Variants in HAUS6 observed in about 807,000 individuals in gnomAD.
HAUS6 encodes the protein HAUS augmin-like complex subunit 6.
In HAUS6, 80 loss-of-function variants were observed where a neutral mutation model predicts 106.8. The ratio of observed to expected loss-of-function variants is 0.75; its 90% CI spans 0.63 to 0.90. The LOEUF (loss-of-function observed/expected upper bound fraction) is 0.90. HAUS6 is among the 40% of genes least tolerant of loss of function. The probability of loss-of-function intolerance (pLI) is 0.00; values close to 1 mark genes in which losing one functional copy is unlikely to be tolerated. For missense variants in HAUS6, 1,155 were observed against 1,118.1 expected, an observed-to-expected ratio of 1.03 and a Z score of -0.47; for synonymous variants, 356 against 379.1, an observed-to-expected ratio of 0.94 and a Z score of 0.71.
At chr9:19,083,705 G>C (rs577565848) in intron 7 of HAUS6, among the ~76,000 whole-genome samples, 1 of 151,758 alleles carries the variant, frequency 6.6e-6, no homozygotes, top group East Asian at 1.9e-4. Flanking sequence ...GGGAGGCTGA[G>C]GCAGAAGAAT....
At chr9:19,065,959 A>G (rs1836752508) in intron 12 of HAUS6, among the ~76,000 whole-genome samples, 1 of 146,144 alleles carries the variant, frequency 6.8e-6, no homozygotes, top group Admixed American at 6.8e-5. Context: ...TTTTTGAGAC[A>G]GACTCTCACT....
Position 19,058,650 on chromosome 9 carries a change from G to A in HAUS6, c.2117C>T (p.Ser706Leu). ...DLECLAFTKL[S>L]ETSRMETFSP... ...GAATGTCTCCATTCGGCTAGTTTCTGAAAGCTTGGTGAAGGCTAAACATTC... is the reference window on the plus strand; with the variant it reads ...GAATGTCTCCATTCGGCTAGTTTCTAAAAGCTTGGTGAAGGCTAAACATTC... The change falls in exon 16 of 17, where the codon TCA (serine) becomes TTA (leucine). Residue 706 changes from serine to leucine, a missense_variant. Transcript: ENST00000380502. The A allele has an allele frequency of 6.2e-7, 1 of 1,608,080 alleles. No individual in the cohort carries two copies.
chr9:19,063,921 A>G, intron 12 of HAUS6: 1 of 364,134 alleles, frequency 2.7e-6, no homozygotes, highest in South Asian at 2.3e-5. Context: ...CATTATTACA[A>G]TGTCACAGGT....
intron 2 of HAUS6, among the ~76,000 whole-genome samples, chr9:19,094,685 G>A (rs891659473): frequency 1.3e-5 from 2 of 151,954 alleles, no homozygotes; most frequent in African/African-American, 2.4e-5. Context: ...CCAGCTACTC[G>A]GGAGCTGAGG....
At chr9:19,099,090 A>C (rs182188763) in intron 1 of HAUS6, among the ~76,000 whole-genome samples, 97 of 151,668 alleles carry the variant, frequency 6.4e-4, no homozygotes, top group African/African-American at 2.3e-3. Flanking sequence ...AAAAATCATA[A>C]ACTGCAAACC....
chr9:19,071,044 C>T (rs892279772), intron 11 of HAUS6, among the ~76,000 whole-genome samples: 2 of 152,104 alleles, frequency 1.3e-5, no homozygotes, highest in Non-Finnish European at 1.5e-5. Context: ...TCCAAGGGCT[C>T]GACCTCTTTC....
chr9:19,066,899 T>G (rs531409263), intron 12 of HAUS6, among the ~76,000 whole-genome samples: 1 of 150,934 alleles, frequency 6.6e-6, no homozygotes, highest in East Asian at 2.0e-4. Context: ...CCTAGCTACT[T>G]GGGTAGCTGA....
In HAUS6 at chr9:19,056,100, T is replaced by A. The variant is rs181768466; in HGVS notation, c.*243A>T. 2.1e-4 allele frequency: 82 copies of A among 394,586 alleles called. 2 individuals carry two copies. In the East Asian group the frequency reaches 2.7e-3, roughly 13 times the overall value. The allele number at this position is 394,586 out of a possible 1,614,324, so 24.4% of individuals were successfully genotyped here. A position where few individuals can be genotyped will look rare whatever the true frequency, so the allele number is the denominator to read the frequency against. On this transcript the variant is annotated 3_prime_UTR_variant, in exon 17 of 17. Transcript: ENST00000380502. The stretch of plus-strand genomic sequence containing the variant: ...CTCAAGAAATCAAAATGGCTTCCCA[T>A]TGCTTGACGTTTGTTGTCCAAATAC...
At chr9:19,064,307 CA>C (rs1157125632) in intron 12 of HAUS6, among the ~76,000 whole-genome samples, 1 of 152,096 alleles carries the variant, frequency 6.6e-6, no homozygotes, top group Non-Finnish European at 1.5e-5. Flanking sequence ...ACTTCATATC[CA>C]AAATCAATTT....
chr9:19,073,368 C>T (rs1299572729), intron 11 of HAUS6, among the ~76,000 whole-genome samples: 1 of 151,392 alleles, frequency 6.6e-6, no homozygotes, highest in African/African-American at 2.4e-5. Context: ...GGTTGTTTTA[C>T]CACAAAAAAT....
At chr9:19,070,331 A>G in intron 11 of HAUS6, 31 bp from the exon 12 acceptor site, 1 of 1,132,506 alleles carries the variant, frequency 8.8e-7, no homozygotes, top group East Asian at 2.4e-5. Flanking sequence ...GTTACTCTTT[A>G]ATTATGTTTG....
rs531425710 is a variant in HAUS6, at chr9:19,102,531, G to C, written c.121C>G (p.Leu41Val). Residue 41 changes from leucine (L) to valine (V), a missense_variant, in exon 1 of 17, where the codon CTC becomes GTC. Leu to Val is a conservative substitution (Grantham distance 32). Coordinates refer to ENST00000380502, the MANE Select transcript of HAUS6 (RefSeq NM_017645.5). ...CGGCCCCGGCCTCCTTACACTCCGA[G>C]GTGCGTGTGCGACACGATCTTTCCG... ...ACGKIVSHTH[L>V]GVNMFDKLNR... 4 of 1,613,624 alleles carry C rather than the reference G, an allele frequency of 2.5e-6. No individual in the cohort carries two copies. The Admixed American group carries it at 5.0e-5, about 20-fold the overall frequency.
chr9:19,083,043 C>T lies in HAUS6; in HGVS notation c.700G>A (p.Val234Ile), dbSNP rs1028943590. Reference protein sequence around the residue: ...HSNMEEKIQKVRSLWASVNET... With the variant: ...HSNMEEKIQKIRSLWASVNET... ...TTCACTGAAGCCCACAAAGACCGAA[C>T]CTTTGGAAACAGAAACAAAATATTA... is the stretch of plus-strand genomic sequence containing the variant. The change falls in exon 8 of 17, where the codon GTT (valine) becomes ATT (isoleucine). Residue 234 changes from valine (V) to isoleucine (I), a missense_variant and splice_region_variant. Val to Ile is a conservative substitution (Grantham distance 29). Transcript: ENST00000380502. The T allele has an allele frequency of 8.9e-6, 14 of 1,569,434 alleles. No individual in the cohort carries two copies. Among genetic ancestry groups the T allele is most frequent in the African/African-American group, 1.4e-5 (1 of 72,364 alleles).
chr9:19,056,626 G>T, intron 16 of HAUS6: 1 of 421,612 alleles, frequency 2.4e-6, no homozygotes, highest in Non-Finnish European at 4.3e-6. Flanking sequence ...TCTGCGACAG[G>T]GTCTTGCTCT....
chr9:19,077,423 T>C (rs10963939), intron 10 of HAUS6, among the ~76,000 whole-genome samples: 59,000 of 151,958 alleles, frequency 0.39, 12,167 homozygotes, highest in Non-Finnish European at 0.45. Context: ...TAGTCCCGGC[T>C]ACTTGGGAGG....
intron 11 of HAUS6, among the ~76,000 whole-genome samples, chr9:19,075,999 G>A (rs1424779269): frequency 1.3e-5 from 2 of 151,104 alleles, no homozygotes; most frequent in African/African-American, 2.4e-5. Flanking sequence ...ATTACTGGCT[G>A]CCAGGGACTA....
rs775251805 is a variant in HAUS6 at position 19,086,725 on chromosome 9, T to C, written c.699+9A>G. On this transcript the variant is annotated intron_variant, in intron 7 of 16. Coordinates refer to ENST00000380502, the MANE Select transcript of HAUS6 (RefSeq NM_017645.5). ...AAGATTAAATTTCTCCTTTTATAAG[T>C]TGTCTCACCTTTTGAATTTTTTCTT... is the stretch of plus-strand genomic sequence containing the variant. 2.5e-6 allele frequency: 3 copies of C among 1,198,122 alleles called. No homozygotes were observed. The highest frequency in any genetic ancestry group is 2.4e-5 in the East Asian group (1 of 42,478). 74.2% of individuals were successfully genotyped at this position (1,198,122 alleles called of 1,614,324 possible). A position where few individuals can be genotyped will look rare whatever the true frequency, so the allele number is the denominator to read the frequency against.
chr9:19,080,607 A>C lies in HAUS6; in HGVS notation c.936T>G (p.Asn312Lys). 1 of 1,601,068 alleles carries C rather than the reference A, an allele frequency of 6.2e-7. No homozygotes were observed. Among genetic ancestry groups the C allele is most frequent in the Non-Finnish European group, 8.6e-7 (1 of 1,168,488 alleles). The change falls in exon 9 of 17, where the codon AAT becomes AAG. Residue 312 changes from asparagine to lysine, a missense_variant. Physicochemically the swap from Asn to Lys is moderately conservative, Grantham distance 94 (BLOSUM62 0). This residue lies in a region of HAUS6 where 761 missense variants were observed against 690.0 expected (regional missense o/e 1.10). Transcript: ENST00000380502. ...CATATTTCATCACCTTCAAGACTTC[A>C]TTTAATAACTGAATAACTGTTAAGA... is the stretch of plus-strand genomic sequence containing the variant. The part of the protein sequence containing the change: ...LNLLTVIQLL[N>K]EVLKVMKYER...
chr9:19,058,909 C>G lies in HAUS6; in HGVS notation c.1858G>C (p.Val620Leu). Residue 620 changes from valine to leucine, a missense_variant, in exon 16 of 17, where the codon GTA becomes CTA. By Grantham distance (32) the Val-to-Leu change is conservative. Transcript: ENST00000380502. Reference sequence around the variant, plus strand: ...AACACAGGTAATGATTCTGGCAATACTTCTCTATGTTCAGCATCCATTTGA... The same window carrying G: ...AACACAGGTAATGATTCTGGCAATAGTTCTCTATGTTCAGCATCCATTTGA... ...PIQMDAEHRE[V>L]LPESLPVLHN... 6.3e-7 allele frequency: 1 copy of G among 1,582,928 alleles called. No homozygotes were observed. The highest frequency in any genetic ancestry group is 8.7e-7 in the Non-Finnish European group (1 of 1,151,472).
Sources: allele counts gnomAD v4.1 joint callset (sites outside exome capture counted in the v4.1 genomes callset), GRCh38; gene constraint gnomAD v4.1.1; regional missense constraint gnomAD v4.1.1; transcripts MANE v1.5; gene names NCBI Gene and HGNC (gene_info 2026-07-23, HGNC 2026-07-21).